PAX8: variants seen among roughly 807,000 people sequenced by gnomAD.
PAX8 encodes paired box protein Pax-8.
Under a neutral mutation model 52.4 loss-of-function variants are expected in PAX8, and 15 were observed. The observed-to-expected ratio is 0.29, with a 90% CI of 0.19 to 0.44. The LOEUF is 0.44. Among genes scored for constraint, PAX8 ranks in the 20% least tolerant of loss-of-function variants. The probability of loss-of-function intolerance (pLI) is 1.00; values close to 1 mark genes in which losing one functional copy is unlikely to be tolerated. For synonymous variants in PAX8, 284 were observed against 249.7 expected, an observed-to-expected ratio of 1.14 and a Z score of -1.29; for missense variants, 554 against 602.5, an observed-to-expected ratio of 0.92 and a Z score of 0.84.
intron 2 of PAX8, among the ~76,000 whole-genome samples, chr2:113,256,981 T>C (rs1254578058): frequency 6.6e-6 from 1 of 152,138 alleles, no homozygotes; most frequent in African/African-American, 2.4e-5. Context: ...ACCATTTCCA[T>C]AACAGGCACT....
At chr2:113,227,470 A>C (rs1284005012) in intron 9 of PAX8, among the ~76,000 whole-genome samples, 1 of 152,174 alleles carries the variant, frequency 6.6e-6, no homozygotes, top group African/African-American at 2.4e-5. Flanking sequence ...CCATGCAGGG[A>C]GCACTTGTTA....
At chr2:113,262,093 G>T (rs1325882636) in intron 2 of PAX8, among the ~76,000 whole-genome samples, 5 of 152,186 alleles carry the variant, frequency 3.3e-5, no homozygotes, top group Admixed American at 1.3e-4. Flanking sequence ...GCCTCCCAAA[G>T]TGTTAGAATT....
chr2:113,235,324 C>T (rs2104455195), intron 9 of PAX8, 70 bp downstream of exon 9: 4 of 1,312,622 alleles, frequency 3.0e-6, no homozygotes, highest in Non-Finnish European at 4.2e-6. Context: ...AGGGGGCTGG[C>T]GGTCTGCCCT....
chr2:113,233,477 A>C (rs1308167533), intron 9 of PAX8, among the ~76,000 whole-genome samples: 1 of 152,090 alleles, frequency 6.6e-6, no homozygotes, highest in Admixed American at 6.5e-5. Context: ...CAGGAGATTG[A>C]GACCATTCTG....
At chr2:113,254,309 G>T (rs972790155) in intron 2 of PAX8, among the ~76,000 whole-genome samples, 1 of 152,122 alleles carries the variant, frequency 6.6e-6, no homozygotes, top group Non-Finnish European at 1.5e-5. Flanking sequence ...GCTGGGGATG[G>T]GTATATATTT....
Position 113,225,381 on chromosome 2 carries a change from G to A in PAX8, c.1189+1774C>T, listed in dbSNP as rs568117184. Among the ~76,000 whole-genome samples, 3 of 152,348 alleles carry A rather than the reference G, an allele frequency of 2.0e-5. No individual in the cohort carries two copies. The South Asian group carries it at 6.2e-4, about 32-fold the overall frequency. On this transcript the variant is annotated intron_variant, in intron 10 of 11. Transcript: ENST00000429538. Reference sequence around the variant, plus strand: ...ACTGGGAGATTGCAAGCAGTGGTAAGAGACGGACATAGAATTTTTCCACAA... The same window carrying A: ...ACTGGGAGATTGCAAGCAGTGGTAAAAGACGGACATAGAATTTTTCCACAA...
At chr2:113,240,897 ACT>A in intron 7 of PAX8, 1 of 160,388 alleles carries the variant, frequency 6.2e-6, no homozygotes, top group Non-Finnish European at 1.4e-5. Flanking sequence ...ATTAAGTGAC[ACT>A]GTGAGAAGCT....
At chr2:113,241,350 C>G (rs1021857818) in intron 7 of PAX8, 2 of 666,070 alleles carry the variant, frequency 3.0e-6, no homozygotes, top group East Asian at 5.4e-5. Flanking sequence ...GTGAAGGAAG[C>G]CAGGAGGGTT....
At chr2:113,241,837 C>T in intron 6 of PAX8, 111 bp from the exon 7 acceptor site, 4 of 1,483,458 alleles carry the variant, frequency 2.7e-6, no homozygotes, top group Non-Finnish European at 3.7e-6. Flanking sequence ...AGAAAAAGGG[C>T]CAGCCACGTG....
chr2:113,246,273 G>A (rs751397710), intron 3 of PAX8, among the ~76,000 whole-genome samples: 45 of 152,254 alleles, frequency 3.0e-4, no homozygotes, highest in Admixed American at 5.9e-4. Flanking sequence ...TGACTGTAAT[G>A]TGCTACCAGG....
intron 11 of PAX8, among the ~76,000 whole-genome samples, chr2:113,219,011 T>C (rs552187343): frequency 1.3e-5 from 2 of 152,250 alleles, no homozygotes; most frequent in South Asian, 2.1e-4. Context: ...CCCAGGGAGA[T>C]TAGACTGCTG....
At chr2:113,236,859 T>A in intron 7 of PAX8, 138 bp from the exon 8 acceptor site, 2 of 983,160 alleles carry the variant, frequency 2.0e-6, no homozygotes, top group South Asian at 3.6e-5. Context: ...TTCCTTTACG[T>A]TCTCAACTCC....
At chr2:113,241,787 A>T in intron 6 of PAX8, 61 bp from the exon 7 acceptor site, 1 of 1,579,424 alleles carries the variant, frequency 6.3e-7, no homozygotes, top group Non-Finnish European at 8.7e-7. Flanking sequence ...GCTCTAGGCC[A>T]AAGTAGAGGA....
chr2:113,259,083 G>A (rs186231492), intron 2 of PAX8: 112 of 152,514 alleles, frequency 7.3e-4, no homozygotes, highest in African/African-American at 2.5e-3. Context: ...AGGGTTCCCT[G>A]GGTAGGGTTG....
At chr2:113,228,260 T>C (rs1689699172) in intron 9 of PAX8, among the ~76,000 whole-genome samples, 1 of 152,224 alleles carries the variant, frequency 6.6e-6, no homozygotes, top group Non-Finnish European at 1.5e-5. Context: ...CACCCCAAGA[T>C]TCTTGGCAAG....
chr2:113,242,870 T>A, intron 4 of PAX8, 92 bp from the exon 5 acceptor site: 3 of 948,246 alleles, frequency 3.2e-6, no homozygotes, highest in Non-Finnish European at 5.2e-6. Context: ...GACACCCCTT[T>A]TGGGTATCTC....
intron 2 of PAX8, among the ~76,000 whole-genome samples, chr2:113,264,483 G>A (rs1692917235): frequency 1.3e-5 from 2 of 152,228 alleles, no homozygotes; most frequent in Admixed American, 1.3e-4. Flanking sequence ...AAACTCAAAT[G>A]TGCAAGTTGC....
intron 2 of PAX8, chr2:113,275,377 T>G (rs2104614091): frequency 6.6e-6 from 1 of 152,340 alleles, no homozygotes; most frequent in African/African-American, 2.4e-5. Flanking sequence ...TCAAAGTTGC[T>G]TCCATCCCCT....
chr2:113,258,808 T>C (rs1692452412), intron 2 of PAX8, among the ~76,000 whole-genome samples: 1 of 152,134 alleles, frequency 6.6e-6, no homozygotes, highest in African/African-American at 2.4e-5. Context: ...CACTGTGTGG[T>C]TTCAAGGCCT....
Sources: allele counts gnomAD v4.1 joint callset (sites outside exome capture counted in the v4.1 genomes callset), GRCh38; gene constraint gnomAD v4.1.1; transcripts MANE v1.5; gene names NCBI Gene and HGNC (gene_info 2026-07-23, HGNC 2026-07-21).